Variants in LCN12 observed in about 807,000 individuals in gnomAD.
LCN12 encodes the protein epididymal-specific lipocalin-12.
Under a neutral mutation model 23.7 loss-of-function variants are expected in LCN12, and 15 were observed. The ratio of observed to expected loss-of-function variants is 0.63; its 90% CI spans 0.42 to 0.97. The LOEUF (loss-of-function observed/expected upper bound fraction) is 0.97. Ranked by LOEUF, LCN12 falls within the 50% of genes least tolerant of loss-of-function variation. The pLI, the probability that LCN12 is intolerant of heterozygous loss-of-function variation, is 0.00. For missense variants in LCN12, 219 were observed against 249.6 expected, an observed-to-expected ratio of 0.88 and a Z score of 0.83; for synonymous variants, 116 against 111.5, an observed-to-expected ratio of 1.04 and a Z score of -0.25.
chr9:136,954,972 G>T, intron 5 of LCN12: 1 of 1,302,852 alleles, frequency 7.7e-7, no homozygotes, highest in East Asian at 3.7e-5. Context: ...CTCCACATGC[G>T]AACACCCACT....
intron 5 of LCN12, 190 bp from the exon 6 acceptor site, chr9:136,955,181 C>T: frequency 7.0e-7 from 1 of 1,419,960 alleles, no homozygotes; most frequent in Non-Finnish European, 9.2e-7. Context: ...CGCTGTGGGC[C>T]ACATCTTCTG....
chr9:136,952,586 A>G, intron 1 of LCN12, 145 bp downstream of exon 1: 2 of 661,890 alleles, frequency 3.0e-6, no homozygotes, highest in South Asian at 3.8e-5. Flanking sequence ...CCTGACCTCC[A>G]GCAGAGGAGG....
At chr9:136,955,631 G>A (rs1046418083), downstream of LCN12, 2 of 520,718 alleles carry the variant, frequency 3.8e-6, no homozygotes, top group East Asian at 3.2e-5. Flanking sequence ...TCTGGCCAGT[G>A]TGTGTGACTC....
intron 1 of LCN12, 168 bp downstream of exon 1, chr9:136,952,609 C>T: frequency 1.6e-6 from 1 of 635,108 alleles, no homozygotes; most frequent in South Asian, 1.9e-5. Flanking sequence ...CCAGCGCAGA[C>T]CTTCCTGGCA....
chr9:136,954,488 C>T (rs1186192480), intron 5 of LCN12: 1 of 597,698 alleles, frequency 1.7e-6, no homozygotes, highest in Non-Finnish European at 3.0e-6. Context: ...GGTCTCCTGT[C>T]CCGGGCCACC....
chr9:136,956,124 G>A (rs112652885), downstream of LCN12, among the ~76,000 whole-genome samples: 8 of 151,922 alleles, frequency 5.3e-5, no homozygotes, highest in East Asian at 1.9e-4. Flanking sequence ...CACCCCCACC[G>A]GCCAGCCAGA....
upstream of LCN12, among the ~76,000 whole-genome samples, chr9:136,950,381 C>G (rs1407244099): frequency 1.3e-5 from 2 of 152,138 alleles, no homozygotes; most frequent in Non-Finnish European, 2.9e-5. Context: ...CTGCTTGGAG[C>G]CGAGGGACCC....
At chr9:136,953,289 C>T (rs12238762) in intron 2 of LCN12, among the ~76,000 whole-genome samples, 7 of 151,920 alleles carry the variant, frequency 4.6e-5, no homozygotes, top group African/African-American at 7.3e-5. Flanking sequence ...CGGGGCTGGG[C>T]GCGCTGGCTC....
intron 5 of LCN12, chr9:136,955,103 T>G: frequency 7.1e-7 from 1 of 1,414,608 alleles, no homozygotes; most frequent in Non-Finnish European, 9.2e-7. Context: ...GGGTCTGCAG[T>G]GAGTCTGGGG....
At chr9:136,956,224 C>T (rs1851316221), downstream of LCN12, among the ~76,000 whole-genome samples, 2 of 152,200 alleles carry the variant, frequency 1.3e-5, no homozygotes, top group African/African-American at 4.8e-5. Flanking sequence ...CCCAGGGCGG[C>T]CATGGACCCT....
At chr9:136,954,079 G>A (rs1428658714) in intron 4 of LCN12, 75 bp from the exon 5 acceptor site, 3 of 1,520,912 alleles carry the variant, frequency 2.0e-6, no homozygotes, top group East Asian at 2.4e-5. Flanking sequence ...GGTACAGATA[G>A]TTCAATCTCC....
At chr9:136,953,351 AATCCT>A in intron 2 of LCN12, 1 of 96,582 alleles carries the variant, frequency 1.0e-5, no homozygotes, top group Non-Finnish European at 1.9e-5. Context: ...TCACACCTGT[AATCCT>A]AGCACTTTGG....
At chr9:136,954,309 A>G (rs769459564) in intron 5 of LCN12, 54 bp downstream of exon 5, 12 of 1,538,470 alleles carry the variant, frequency 7.8e-6, no homozygotes, top group Non-Finnish European at 8.8e-6. Context: ...GCCCGCAGGA[A>G]TGAGTTTGGT....
downstream of LCN12, among the ~76,000 whole-genome samples, chr9:136,955,815 T>C (rs982515599): frequency 3.3e-5 from 5 of 152,168 alleles, no homozygotes; most frequent in African/African-American, 7.2e-5. Context: ...GGGGCTGCCA[T>C]ACCAGATGCA....
Position 136,952,289 on chromosome 9 carries a change from T to C in LCN12, c.-39T>C. The C allele has an allele frequency of 3.4e-6, 5 of 1,482,796 alleles. No homozygotes were observed. Among genetic ancestry groups the C allele is most frequent in the Non-Finnish European group, 4.7e-6 (5 of 1,073,018 alleles). 91.9% of individuals were successfully genotyped at this position (1,482,796 alleles called of 1,614,324 possible). Reference sequence around the variant, plus strand: ...CTCTGGGTCACCTGCCCATGGCCACTTCCTTCTCTCTGTCCCTGTGGGCCC... The same window carrying C: ...CTCTGGGTCACCTGCCCATGGCCACCTCCTTCTCTCTGTCCCTGTGGGCCC... On this transcript the variant is annotated 5_prime_UTR_variant, in exon 1 of 6. Coordinates refer to ENST00000371633, the MANE Select transcript of LCN12 (RefSeq NM_178536.4).
rs1564448346 is a variant in LCN12 at position 136,954,271 on chromosome 9, T to G, written c.550+16T>G. On this transcript the variant is annotated intron_variant, in intron 5 of 5. Transcript: ENST00000371633. ...GATGTGACTGGTAACATGGTTCACC[T>G]GCAGGCATGCTGGGCAGTAGGCACG... is the stretch of plus-strand genomic sequence containing the variant. The G allele has an allele frequency of 2.6e-6, 4 of 1,557,112 alleles. No homozygotes were observed. The highest frequency in any genetic ancestry group is 1.4e-5 in the African/African-American group (1 of 73,400).
At chr9:136,951,025 G>GGAGGAGGT (rs1554788909), upstream of LCN12, among the ~76,000 whole-genome samples, 75,245 of 151,472 alleles carry the variant, frequency 0.5, 19,459 homozygotes, top group East Asian at 0.83. Flanking sequence ...GGGACCTGGG[G>GGAGGAGGT]GGCCTGGACA....
At chr9:136,952,743 G>A in intron 1 of LCN12, 149 bp from the exon 2 acceptor site, 3 of 887,418 alleles carry the variant, frequency 3.4e-6, no homozygotes, top group Non-Finnish European at 5.0e-6. Flanking sequence ...GTAGGCTCTG[G>A]TTCTTGCCAG....
intron 5 of LCN12, 22 bp from the exon 6 acceptor site, chr9:136,955,349 C>T: frequency 6.2e-7 from 1 of 1,612,656 alleles, no homozygotes; most frequent in South Asian, 1.1e-5. Flanking sequence ...GTCCTCCATC[C>T]CGACTCCATC....
Sources: allele counts gnomAD v4.1 joint callset (sites outside exome capture counted in the v4.1 genomes callset), GRCh38; gene constraint gnomAD v4.1.1; transcripts MANE v1.5; gene names NCBI Gene and HGNC (gene_info 2026-07-23, HGNC 2026-07-21).